Variants in ERCC6L2 observed in about 807,000 individuals in gnomAD.
ERCC6L2 encodes DNA excision repair protein ERCC-6-like 2.
A neutral mutation model predicts 132.0 loss-of-function variants in ERCC6L2; 77 were observed. The observed-to-expected ratio is 0.58, with a 90% confidence interval of 0.49 to 0.71. ERCC6L2 has a LOEUF of 0.71. Ranked by LOEUF, ERCC6L2 falls within the 30% of genes least tolerant of loss-of-function variation. ERCC6L2 has a pLI of 0.00. For missense variants in ERCC6L2, 1,542 were observed against 1,837.6 expected (o/e 0.84, Z 2.94); for synonymous variants, 583 against 632.4 (o/e 0.92, Z 1.17).
chr9:96,021,059 C>T (rs901475177), downstream of ERCC6L2: 1 of 450,132 alleles, frequency 2.2e-6, no homozygotes, highest in Non-Finnish European at 4.5e-6. The surrounding 1 kb of genome is among the most constrained non-coding windows in gnomAD (Gnocchi z 4.7). Flanking sequence ...AGCTAGGGGG[C>T]ACCGCCTGCG....
intron 17 of ERCC6L2, among the ~76,000 whole-genome samples, chr9:96,002,139 G>A (rs1833707050): frequency 6.6e-6 from 1 of 152,234 alleles, no homozygotes; most frequent in Admixed American, 6.5e-5. Context: ...GTGGGCTCCA[G>A]CCTTGGCCAG....
At chr9:95,938,282 A>G (rs534647754) in intron 11 of ERCC6L2, among the ~76,000 whole-genome samples, 2 of 151,890 alleles carry the variant, frequency 1.3e-5, no homozygotes, top group South Asian at 2.1e-4. Flanking sequence ...GATTTGGTCT[A>G]TCTTGGTGAA....
intron 17 of ERCC6L2, among the ~76,000 whole-genome samples, chr9:95,990,235 G>A (rs1833246334): frequency 6.6e-6 from 1 of 152,216 alleles, no homozygotes; most frequent in Non-Finnish European, 1.5e-5. Context: ...TATTATATTT[G>A]CACTCAACAG....
At position 95,936,746 on chromosome 9, in the gene ERCC6L2, C is replaced by T. The variant is rs150079556; in HGVS notation, c.1752-4708C>T. On this transcript the variant is annotated intron_variant, in intron 11 of 18. Transcript: ENST00000653738. ...ATTTCCATCACAAGAATCCCTCATG[C>T]TGTCCTTTTGTAGTCACATCTGCTT... 9.8e-5 allele frequency among the ~76,000 whole-genome samples: 15 copies of T among 152,290 alleles called. No homozygotes were observed. The East Asian group carries it at 2.9e-3, about 29-fold the overall frequency.
rs1363558874 is a variant in ERCC6L2 at position 95,916,334 on chromosome 9, G to T, written c.1058G>T (p.Gly353Val). Residue 353 changes from glycine to valine, a missense_variant, in exon 6 of 19, where the codon GGC (glycine) becomes GTC (valine). Gly to Val is a moderately radical substitution (Grantham distance 109). Around this residue, in one of 4 missense-constraint regions of ERCC6L2, gnomAD observed 945 missense variants for 1,105.2 expected, o/e 0.86. Coordinates refer to ENST00000653738, the MANE Select transcript of ERCC6L2 (RefSeq NM_020207.7). ...GCAACAAAGAGAGAACTAGCCACTGGCCGAAAGGCCATGCAAAGACTTGCC... is the reference window on the plus strand; with the variant it reads ...GCAACAAAGAGAGAACTAGCCACTGTCCGAAAGGCCATGCAAAGACTTGCC... ...HTATKRELATGRKAMQRLAKK... is the reference protein window; with the variant it reads ...HTATKRELATVRKAMQRLAKK... 3 of 1,613,810 alleles carry T rather than the reference G, an allele frequency of 1.9e-6. No individual in the cohort carries two copies. Among genetic ancestry groups the T allele is most frequent in the Non-Finnish European group, 2.5e-6 (3 of 1,179,938 alleles).
intron 7 of ERCC6L2, 77 bp downstream of exon 7, chr9:95,921,392 G>A: frequency 1.7e-6 from 2 of 1,208,214 alleles, no homozygotes; most frequent in Non-Finnish European, 1.1e-6. Context: ...GAAAGTAGCA[G>A]ATGATAAAAT....
chr9:95,891,145 G>A (rs536382617), intron 2 of ERCC6L2, among the ~76,000 whole-genome samples: 3 of 152,210 alleles, frequency 2.0e-5, no homozygotes, highest in South Asian at 2.1e-4. Flanking sequence ...GCCGGGAGGC[G>A]GAGGTTGCGG....
intron 12 of ERCC6L2, among the ~76,000 whole-genome samples, chr9:95,949,655 G>C (rs1030062623): frequency 1.3e-5 from 2 of 152,202 alleles, no homozygotes; most frequent in Admixed American, 1.3e-4. Flanking sequence ...AAAAATGAGG[G>C]TTAAGATATT....
At chr9:95,985,555 AG>A (rs781492514) in intron 17 of ERCC6L2, among the ~76,000 whole-genome samples, 1 of 152,220 alleles carries the variant, frequency 6.6e-6, no homozygotes, top group Non-Finnish European at 1.5e-5. Context: ...AATCCATTCA[AG>A]AAGAGAGAAC....
In ERCC6L2 at chr9:96,013,439, A is replaced by C. The variant is rs1226533420; in HGVS notation, c.*236A>C. The C allele has an allele frequency of 8.2e-6, 2 of 244,532 alleles. No individual in the cohort carries two copies. Among genetic ancestry groups the C allele is most frequent in the Non-Finnish European group, 1.5e-5 (2 of 129,160 alleles). 15.1% of individuals were successfully genotyped at this position (244,532 alleles called of 1,614,324 possible). A position where few individuals can be genotyped will look rare whatever the true frequency, so the allele number is the denominator to read the frequency against. On this transcript the variant is annotated 3_prime_UTR_variant, in exon 19 of 19. Transcript: ENST00000653738. ...TATAAACCTCTGTTATGAATTAGAA[A>C]AGATTCTAGGTTTGTTAATAGGAGA...
rs149394156 is a variant in ERCC6L2, at chr9:96,013,201, T to C, written c.4651T>C (p.Ter1551GlnextTer4). 1.5e-6 allele frequency: 2 copies of C among 1,351,922 alleles called. No individual in the cohort carries two copies. The highest frequency in any genetic ancestry group is 3.0e-5 in the African/African-American group (2 of 66,618). 83.7% of individuals were successfully genotyped at this position (1,351,922 alleles called of 1,614,324 possible). A position where few individuals can be genotyped will look rare whatever the true frequency, so the allele number is the denominator to read the frequency against. ...ENATNTQSTT* is the reference protein window; with the variant it reads ...ENATNTQSTTQ ...CGCAACCAATACACAGAGTACCACATAAGCATATAAATGAATTACTGCACC... is the reference window on the plus strand; with the variant it reads ...CGCAACCAATACACAGAGTACCACACAAGCATATAAATGAATTACTGCACC... Residue 1551 changes from the stop codon to glutamine, a stop_lost, in exon 19 of 19, where the codon TAA becomes CAA. Coordinates refer to ENST00000653738, the MANE Select transcript of ERCC6L2 (RefSeq NM_020207.7).
At position 95,982,934 on chromosome 9, in the gene ERCC6L2, A is replaced by G. The variant is rs1329768728; in HGVS notation, c.3492+4719A>G. Among the ~76,000 whole-genome samples the G allele has an allele frequency of 3.9e-5, 6 of 152,208 alleles. No homozygotes were observed. The East Asian group carries it at 1.2e-3, about 29-fold the overall frequency. ...GCTGGAGGCTACGAGAAGCTGTGGCATCTTTCCACACAGTGATGATACCAG... is the reference window on the plus strand; with the variant it reads ...GCTGGAGGCTACGAGAAGCTGTGGCGTCTTTCCACACAGTGATGATACCAG... On this transcript the variant is annotated intron_variant, in intron 17 of 18. Coordinates refer to ENST00000653738, the MANE Select transcript of ERCC6L2 (RefSeq NM_020207.7).
chr9:95,892,947 T>C (rs1449171544), intron 2 of ERCC6L2, among the ~76,000 whole-genome samples: 1 of 152,222 alleles, frequency 6.6e-6, no homozygotes, highest in Non-Finnish European at 1.5e-5. Flanking sequence ...TATGTATGGA[T>C]TTGGATACAA....
At chr9:95,881,316 TA>T (rs1827580060) in intron 2 of ERCC6L2, 23 bp downstream of exon 2, 1 of 1,516,720 alleles carries the variant, frequency 6.6e-7, no homozygotes, top group African/African-American at 1.4e-5. Flanking sequence ...GTTATAACAG[TA>T]AAGTCACTTT....
chr9:95,957,398 TAAAC>T lies in ERCC6L2; in HGVS notation c.1947+1387_1947+1390del, dbSNP rs1353815806. 3.5e-5 allele frequency among the ~76,000 whole-genome samples: 5 copies of T among 143,044 alleles called. No homozygotes were observed. The East Asian group carries it at 1.1e-3, about 30-fold the overall frequency. 93.8% of individuals were successfully genotyped at this position (143,044 alleles called of 152,430 possible). ...TGTCTTAAAGCTTTTAGCTCTGTAA[TAAAC>T]AGTTCATTTTTTTTTTTTTTTTTGG... On this transcript the variant is annotated intron_variant, in intron 13 of 18. Coordinates refer to ENST00000653738, the MANE Select transcript of ERCC6L2 (RefSeq NM_020207.7).
chr9:96,018,932 T>G (rs772548979), downstream of ERCC6L2, among the ~76,000 whole-genome samples: 5 of 152,230 alleles, frequency 3.3e-5, no homozygotes, highest in Non-Finnish European at 5.9e-5. Context: ...CAAGAATGCT[T>G]CTTTCTACAG....
Position 96,004,568 on chromosome 9 carries a change from G to T in ERCC6L2, c.3541G>T (p.Gly1181Cys). ...AGATACATTGCCACACACAAAGAAAGGCCAGCAACCGAGTGAAGGCAGCAT... is the reference window on the plus strand; with the variant it reads ...AGATACATTGCCACACACAAAGAAATGCCAGCAACCGAGTGAAGGCAGCAT... ...DADTLPHTKKGQQPSEGSISL... is the reference protein window; with the variant it reads ...DADTLPHTKKCQQPSEGSISL... The change falls in exon 18 of 19, where the codon GGC (glycine) becomes TGC (cysteine). Residue 1181 changes from glycine (G) to cysteine (C), a missense_variant. Gly to Cys is a radical substitution (Grantham distance 159, BLOSUM62 -3). Transcript: ENST00000653738. 2 of 1,310,048 alleles carry T rather than the reference G, an allele frequency of 1.5e-6. No individual in the cohort carries two copies. Among genetic ancestry groups the T allele is most frequent in the Non-Finnish European group, 2.0e-6 (2 of 991,248 alleles). 81.2% of individuals were successfully genotyped at this position (1,310,048 alleles called of 1,614,324 possible). A position where few individuals can be genotyped will look rare whatever the true frequency, so the allele number is the denominator to read the frequency against.
At chr9:95,996,529 G>A (rs1251414661) in intron 17 of ERCC6L2, among the ~76,000 whole-genome samples, 2 of 152,244 alleles carry the variant, frequency 1.3e-5, no homozygotes, top group Admixed American at 1.3e-4. Context: ...CTAGAGGGGA[G>A]AAGTCAATGC....
At position 95,929,893 on chromosome 9, in the gene ERCC6L2, G is replaced by T. The variant is rs540877229; in HGVS notation, c.1751+1029G>T. On this transcript the variant is annotated intron_variant, in intron 11 of 18. Transcript: ENST00000653738. ...ATAGACTCTATAATGACAAGCAGTA[G>T]TCTCTTATCCTTCTTCTGCTCACTT... 9.2e-5 allele frequency among the ~76,000 whole-genome samples: 14 copies of T among 152,282 alleles called. No individual in the cohort carries two copies. In the East Asian group the frequency reaches 2.7e-3, roughly 29 times the overall value.
Sources: gnomAD v4.1 joint callset for allele counts (sites outside exome capture counted in the v4.1 genomes callset) on GRCh38, gnomAD v4.1.1 for gene constraint, gnomAD v4.1.1 regional missense constraint, Gnocchi (gnomAD v3.1) non-coding constraint, MANE v1.5 for transcripts, NCBI Gene and HGNC (gene_info 2026-07-23, HGNC 2026-07-21) for gene names.